Variants in CCDC148 observed in about 807,000 individuals in gnomAD.
CCDC148 encodes the protein coiled-coil domain-containing protein 148.
In CCDC148, 89 loss-of-function variants were observed where a neutral mutation model predicts 85.7. The ratio of observed to expected loss-of-function variants is 1.04; its 90% CI spans 0.87 to 1.24. The LOEUF is 1.24. CCDC148 is among the 50% of genes most tolerant of loss of function. The pLI is 0.00. For missense variants in CCDC148, 692 were observed against 671.7 expected, an observed-to-expected ratio of 1.03 and a Z score of -0.33; for synonymous variants, 230 against 213.9, an observed-to-expected ratio of 1.08 and a Z score of -0.66.
chr2:158,433,085 A>ATATATATATATAT (rs1553521565), intron 1 of CCDC148, among the ~76,000 whole-genome samples: 10 of 46,612 alleles, frequency 2.1e-4, no homozygotes, highest in East Asian at 8.4e-4. Context: ...AAAAAAAAAA[A>ATATATATATATAT]AAAAAAATAT....
At chr2:158,197,073 T>C (rs949878686) in intron 11 of CCDC148, among the ~76,000 whole-genome samples, 16 of 152,258 alleles carry the variant, frequency 1.1e-4, no homozygotes, top group African/African-American at 9.6e-5. Context: ...ACTCTTTATG[T>C]GGCAATGATA....
At chr2:158,310,577 C>G (rs982148337) in intron 8 of CCDC148, among the ~76,000 whole-genome samples, 2 of 151,294 alleles carry the variant, frequency 1.3e-5, no homozygotes, top group Non-Finnish European at 2.9e-5. Flanking sequence ...GGGCGGCTGC[C>G]GGGCGGAGGG....
At chr2:158,246,441 A>G (rs1446037712) in intron 10 of CCDC148, among the ~76,000 whole-genome samples, 3 of 152,150 alleles carry the variant, frequency 2.0e-5, no homozygotes, top group African/African-American at 7.2e-5. Flanking sequence ...TCCTACCTCA[A>G]ACACATAGAA....
At chr2:158,216,593 C>T (rs1302930989) in intron 11 of CCDC148, among the ~76,000 whole-genome samples, 1 of 151,810 alleles carries the variant, frequency 6.6e-6, no homozygotes, top group South Asian at 2.1e-4. Context: ...TAATATAATA[C>T]CATTGTATTA....
At chr2:158,176,699 C>A (rs755995035) in intron 12 of CCDC148, 38 bp from the exon 13 acceptor site, 7 of 1,606,080 alleles carry the variant, frequency 4.4e-6, no homozygotes, top group East Asian at 2.3e-5. Flanking sequence ...GAACAAGGTA[C>A]AAACTAAATA....
chr2:158,353,470 G>C (rs1280585154), intron 2 of CCDC148, among the ~76,000 whole-genome samples: 5 of 142,626 alleles, frequency 3.5e-5, no homozygotes, highest in African/African-American at 1.2e-4. Context: ...AAGATCAAAA[G>C]AGACAAAGAA....
At chr2:158,181,905 T>A (rs1233686464) in intron 11 of CCDC148, among the ~76,000 whole-genome samples, 1 of 151,208 alleles carries the variant, frequency 6.6e-6, no homozygotes, top group African/African-American at 2.4e-5. Context: ...AGATGAGCAA[T>A]CCAGATGGGA....
At chr2:158,351,378 G>A (rs572375730) in intron 2 of CCDC148, among the ~76,000 whole-genome samples, 5 of 152,324 alleles carry the variant, frequency 3.3e-5, no homozygotes, top group African/African-American at 1.2e-4. Context: ...GTGGGTGGGC[G>A]CAACGTGCGC....
chr2:158,259,388 C>G (rs1199846765), intron 9 of CCDC148, among the ~76,000 whole-genome samples: 1 of 151,854 alleles, frequency 6.6e-6, no homozygotes, highest in Non-Finnish European at 1.5e-5. Context: ...CAATGTACCT[C>G]CAGTGCTTTA....
At chr2:158,216,140 A>G (rs997957169) in intron 11 of CCDC148, among the ~76,000 whole-genome samples, 1 of 152,172 alleles carries the variant, frequency 6.6e-6, no homozygotes, top group African/African-American at 2.4e-5. Context: ...TTGATTTTAT[A>G]TAGGTACATA....
intron 9 of CCDC148, among the ~76,000 whole-genome samples, chr2:158,259,361 A>G (rs1271664598): frequency 6.6e-6 from 1 of 151,930 alleles, no homozygotes; most frequent in Non-Finnish European, 1.5e-5. Flanking sequence ...AACAGGGACC[A>G]TAACTGATTG....
intron 1 of CCDC148, among the ~76,000 whole-genome samples, chr2:158,382,599 G>A (rs1049826176): frequency 6.6e-6 from 1 of 152,036 alleles, no homozygotes; most frequent in Non-Finnish European, 1.5e-5. Flanking sequence ...TTGAATAGAA[G>A]TGTTAAGATA....
intron 5 of CCDC148, among the ~76,000 whole-genome samples, chr2:158,339,994 T>C (rs1031391223): frequency 6.6e-6 from 1 of 152,118 alleles, no homozygotes; most frequent in Non-Finnish European, 1.5e-5. Context: ...GAGGCAAGAA[T>C]GAAAGCAGGG....
In CCDC148 at chr2:158,219,406, CTCTA is replaced by C. The variant is rs1687054588; in HGVS notation, c.1370+1185_1370+1188del. Among the ~76,000 whole-genome samples the C allele has an allele frequency of 2.0e-5, 3 of 152,150 alleles. No individual in the cohort carries two copies. The South Asian group carries it at 6.2e-4, about 32-fold the overall frequency. On this transcript the variant is annotated intron_variant, in intron 11 of 13. Transcript: ENST00000283233. The stretch of plus-strand genomic sequence containing the variant: ...TGCTCTCTGAAAATGGAGGTGGACC[CTCTA>C]TCTATCCCTACAACTGGCAAAATAT...
chr2:158,357,613 T>C (rs1683729514), intron 2 of CCDC148, among the ~76,000 whole-genome samples: 3 of 152,222 alleles, frequency 2.0e-5, no homozygotes, highest in Non-Finnish European at 4.4e-5. Flanking sequence ...TTTAAAGTTA[T>C]ATAAACCAAA....
chr2:158,241,002 A>G (rs547176787), intron 10 of CCDC148, among the ~76,000 whole-genome samples: 1 of 152,292 alleles, frequency 6.6e-6, no homozygotes, highest in Non-Finnish European at 1.5e-5. Context: ...GTGAAGACAG[A>G]TGCCCAAATT....
intron 1 of CCDC148, among the ~76,000 whole-genome samples, chr2:158,432,182 A>T (rs1264263095): frequency 6.6e-6 from 1 of 152,020 alleles, no homozygotes; most frequent in African/African-American, 2.4e-5. Context: ...AATAAAACAT[A>T]ATCAAAAGGG....
At chr2:158,437,416 A>G (rs1687711929) in intron 1 of CCDC148, among the ~76,000 whole-genome samples, 1 of 152,236 alleles carries the variant, frequency 6.6e-6, no homozygotes, top group South Asian at 2.1e-4. Flanking sequence ...GGCCTTTGAC[A>G]AAATTCAACA....
intron 11 of CCDC148, among the ~76,000 whole-genome samples, chr2:158,203,773 A>T (rs16842761): frequency 1.3e-5 from 2 of 152,208 alleles, no homozygotes; most frequent in Non-Finnish European, 2.9e-5. Flanking sequence ...CAAGTTCAAC[A>T]TCAGGAGATG....
Sources: gnomAD v4.1 joint callset for allele counts (sites outside exome capture counted in the v4.1 genomes callset) on GRCh38, gnomAD v4.1.1 for gene constraint, MANE v1.5 for transcripts, NCBI Gene and HGNC (gene_info 2026-07-23, HGNC 2026-07-21) for gene names.